The following MAST4 variants were observed in gnomAD, a reference collection of about 807,000 sequenced individuals.
MAST4 encodes the protein microtubule associated serine/threonine kinase family member 4, also known as microtubule-associated serine/threonine-protein kinase 4.
A neutral mutation model predicts 162.7 loss-of-function variants in MAST4; 89 were observed. The ratio of observed to expected loss-of-function variants is 0.55; its 90% CI spans 0.46 to 0.65. The LOEUF (loss-of-function observed/expected upper bound fraction) is 0.65. MAST4 is among the 30% of genes least tolerant of loss of function. The pLI is 0.00. For missense variants in MAST4, 3,153 were observed against 3,374.0 expected (o/e 0.93, Z 1.62); for synonymous variants, 1,479 against 1,361.1 (o/e 1.09, Z -1.91).
rs1161062450 is a variant in MAST4, at chr5:66,643,629, G to GT, written c.363+46618dup. On this transcript the variant is annotated intron_variant, in intron 1 of 28. Coordinates refer to ENST00000403625, the MANE Select transcript of MAST4 (RefSeq NM_001164664.2). ...TTTACATTTCTCTTTGGTTTCAGCT[G>GT]TTTTTTTCTATGCCAGATTTTCCCT... 5.3e-5 allele frequency among the ~76,000 whole-genome samples: 8 copies of GT among 152,004 alleles called. 1 individual carries two copies. The highest frequency in any genetic ancestry group is 3.9e-4 in the Admixed American group (6 of 15,270).
At chr5:67,004,975 G>T in intron 4 of MAST4, 3 of 761,166 alleles carry the variant, frequency 3.9e-6, no homozygotes, top group Non-Finnish European at 7.3e-6. Context: ...AACCCACAGT[G>T]AATTGAAGAG....
intron 4 of MAST4, among the ~76,000 whole-genome samples, chr5:66,978,159 C>T (rs1037485480): frequency 6.6e-6 from 1 of 152,174 alleles, no homozygotes; most frequent in Non-Finnish European, 1.5e-5. Context: ...GTCACTTTAA[C>T]ACAGAACTAA....
At chr5:67,099,466 G>A (rs1282755920) in intron 7 of MAST4, among the ~76,000 whole-genome samples, 1 of 152,004 alleles carries the variant, frequency 6.6e-6, no homozygotes, top group East Asian at 1.9e-4. Flanking sequence ...CAATGTTTCA[G>A]TATTTATGAA....
intron 19 of MAST4, among the ~76,000 whole-genome samples, chr5:67,139,558 T>A (rs779136536): frequency 1.3e-5 from 2 of 152,238 alleles, no homozygotes; most frequent in Non-Finnish European, 2.9e-5. Context: ...TTTCCTAGTC[T>A]ATGGAAATGG....
intron 23 of MAST4, among the ~76,000 whole-genome samples, chr5:67,146,325 A>G (rs1771076936): frequency 6.6e-6 from 1 of 152,242 alleles, no homozygotes; most frequent in Non-Finnish European, 1.5e-5. Flanking sequence ...TATCCTCACT[A>G]GATATTCAAA....
At chr5:66,636,611 A>G (rs1309554917) in intron 1 of MAST4, among the ~76,000 whole-genome samples, 2 of 152,190 alleles carry the variant, frequency 1.3e-5, no homozygotes, top group East Asian at 1.9e-4. Context: ...CCTGTAGGCT[A>G]TGATCCCTAA....
rs1237016814 is a variant in MAST4 at position 67,166,823 on chromosome 5, C to T, written c.7644C>T (p.Asp2548=). Reference sequence around the variant, plus strand: ...CCATGGGCGGGGCCAGCCACCGGGACAGGGCTCTCTCGGTGACTGCCACCG... The same window carrying T: ...CCATGGGCGGGGCCAGCCACCGGGATAGGGCTCTCTCGGTGACTGCCACCG... ...PNTMGGASHR[D]RALSVTATVG... Residue 2548 remains aspartate, a synonymous_variant, in exon 29 of 29, where the codon GAC becomes GAT. Coordinates refer to ENST00000403625, the MANE Select transcript of MAST4 (RefSeq NM_001164664.2). 1 of 1,605,108 alleles carries T rather than the reference C, an allele frequency of 6.2e-7. No homozygotes were observed. Among genetic ancestry groups the T allele is most frequent in the African/African-American group, 1.3e-5 (1 of 74,690 alleles).
chr5:66,767,199 G>GTC (rs1258022419), intron 2 of MAST4, among the ~76,000 whole-genome samples: 8 of 151,418 alleles, frequency 5.3e-5, no homozygotes, highest in Non-Finnish European at 1.2e-4. Flanking sequence ...GTGTGTGTGT[G>GTC]TGTGTGTGTG....
intron 1 of MAST4, among the ~76,000 whole-genome samples, chr5:66,757,640 G>A (rs919234904): frequency 6.6e-6 from 1 of 151,998 alleles, no homozygotes; most frequent in Admixed American, 6.6e-5. Context: ...TGAAGTATTT[G>A]GAGGGGGGTG....
At chr5:66,730,604 G>T (rs1751784433) in intron 1 of MAST4, among the ~76,000 whole-genome samples, 1 of 152,198 alleles carries the variant, frequency 6.6e-6, no homozygotes, top group South Asian at 2.1e-4. Context: ...ATTCTGAACA[G>T]TAGTTAAGGT....
chr5:66,689,608 T>C (rs1206027705), intron 1 of MAST4, among the ~76,000 whole-genome samples: 2 of 152,182 alleles, frequency 1.3e-5, no homozygotes, highest in Admixed American at 6.5e-5. Context: ...GAAATATCCA[T>C]GTGGCTTTGA....
chr5:66,705,978 C>A (rs1286233417), intron 1 of MAST4, among the ~76,000 whole-genome samples: 2 of 152,158 alleles, frequency 1.3e-5, no homozygotes, highest in Non-Finnish European at 2.9e-5. Flanking sequence ...CATGGTTACA[C>A]ATGATGTAAA....
intron 1 of MAST4, among the ~76,000 whole-genome samples, chr5:66,659,078 C>T (rs1203513690): frequency 6.6e-6 from 1 of 152,038 alleles, no homozygotes; most frequent in Non-Finnish European, 1.5e-5. Flanking sequence ...GGGAAGCTAC[C>T]TTGCAAGTAG....
intron 3 of MAST4, among the ~76,000 whole-genome samples, chr5:66,854,850 C>T (rs542931574): frequency 1.2e-3 from 190 of 152,096 alleles, no homozygotes; most frequent in African/African-American, 4.4e-3. Context: ...GAGCTGGGAG[C>T]ATCTCCACAA....
chr5:67,169,352 A>G lies in MAST4; in HGVS notation c.*2301A>G, dbSNP rs1400222004. ...TTGTAAACCTCTCCAATCAGCTGGTAGAAATTCTCCTCATTGTGTTCTATT... is the reference window on the plus strand; with the variant it reads ...TTGTAAACCTCTCCAATCAGCTGGTGGAAATTCTCCTCATTGTGTTCTATT... On this transcript the variant is annotated 3_prime_UTR_variant, in exon 29 of 29. Coordinates refer to ENST00000403625, the MANE Select transcript of MAST4 (RefSeq NM_001164664.2). The G allele has an allele frequency of 6.6e-6, 1 of 152,200 alleles. No individual in the cohort carries two copies. Among genetic ancestry groups the G allele is most frequent in the Non-Finnish European group, 1.5e-5 (1 of 68,028 alleles). 9.4% of individuals were successfully genotyped at this position (152,200 alleles called of 1,614,324 possible).
At chr5:67,051,970 G>A (rs1561580223) in intron 4 of MAST4, among the ~76,000 whole-genome samples, 1 of 152,220 alleles carries the variant, frequency 6.6e-6, no homozygotes, top group Admixed American at 6.5e-5. Flanking sequence ...ATCATCTCTA[G>A]CTTCATGTTG....
chr5:67,119,153 G>A (rs1367287543), intron 13 of MAST4, among the ~76,000 whole-genome samples: 2 of 152,156 alleles, frequency 1.3e-5, no homozygotes, highest in Non-Finnish European at 2.9e-5. Flanking sequence ...TGTTTTTTAA[G>A]AGCAATGGGA....
chr5:66,698,077 C>CA (rs1352503650), intron 1 of MAST4, among the ~76,000 whole-genome samples: 2 of 151,824 alleles, frequency 1.3e-5, no homozygotes. Context: ...CGCTATCCAC[C>CA]ACCCATCTCG....
intron 19 of MAST4, among the ~76,000 whole-genome samples, chr5:67,138,585 C>G (rs1209149089): frequency 1.3e-5 from 2 of 152,144 alleles, no homozygotes; most frequent in Non-Finnish European, 2.9e-5. Context: ...AAGAGCATGC[C>G]ACCACGCCTG....
Sources: gnomAD v4.1 joint callset for allele counts (sites outside exome capture counted in the v4.1 genomes callset) on GRCh38, gnomAD v4.1.1 for gene constraint, MANE v1.5 for transcripts, NCBI Gene and HGNC (gene_info 2026-07-23, HGNC 2026-07-21) for gene names.